AGBL4: variants seen among roughly 807,000 people sequenced by gnomAD.
The protein encoded by AGBL4 is AGBL carboxypeptidase 4.
Under a neutral mutation model 66.4 loss-of-function variants are expected in AGBL4, and 58 were observed. The observed-to-expected ratio is 0.87, with a 90% confidence interval of 0.71 to 1.09. The LOEUF is 1.09. Ranked by LOEUF, AGBL4 falls within the 50% of genes least tolerant of loss-of-function variation. The pLI is 0.00. For missense variants in AGBL4, 579 were observed against 631.0 expected (o/e 0.92, Z 0.88); for synonymous variants, 234 against 222.9 (o/e 1.05, Z -0.44).
intron 2 of AGBL4, among the ~76,000 whole-genome samples, chr1:49,718,816 A>G (rs1571398870): frequency 1.3e-5 from 2 of 152,168 alleles, no homozygotes; most frequent in South Asian, 4.1e-4. Context: ...ATTTCCCTCT[A>G]CAAAAAATTT....
At chr1:48,570,840 G>T (rs2798095) in intron 11 of AGBL4, among the ~76,000 whole-genome samples, 24 of 151,996 alleles carry the variant, frequency 1.6e-4, no homozygotes, top group African/African-American at 5.3e-4. Flanking sequence ...AGTAGGGGTC[G>T]ACTACAGTCA....
intron 6 of AGBL4, among the ~76,000 whole-genome samples, chr1:48,707,066 G>T (rs1359022907): frequency 6.6e-6 from 1 of 152,240 alleles, no homozygotes; most frequent in Non-Finnish European, 1.5e-5. Flanking sequence ...GGCTGAGGCA[G>T]ATGGATGGCT....
chr1:49,336,442 C>T (rs1203283347), intron 3 of AGBL4, among the ~76,000 whole-genome samples: 1 of 152,214 alleles, frequency 6.6e-6, no homozygotes, highest in Non-Finnish European at 1.5e-5. Context: ...GAAACACTCT[C>T]ACGGACACAG....
chr1:49,784,013 A>G (rs1644395313), intron 2 of AGBL4, among the ~76,000 whole-genome samples: 1 of 152,172 alleles, frequency 6.6e-6, no homozygotes, highest in African/African-American at 2.4e-5. Flanking sequence ...AAATAAATGT[A>G]AAGATATCTC....
intron 3 of AGBL4, among the ~76,000 whole-genome samples, chr1:49,661,624 A>G (rs1646271546): frequency 6.6e-6 from 1 of 152,166 alleles, no homozygotes. Flanking sequence ...CATGAGCCAA[A>G]TAAACATATT....
At chr1:49,186,215 C>T (rs1453281559) in intron 4 of AGBL4, among the ~76,000 whole-genome samples, 1 of 152,168 alleles carries the variant, frequency 6.6e-6, no homozygotes, top group Non-Finnish European at 1.5e-5. Context: ...TTCCTATATT[C>T]ATATGCCCCT....
At chr1:49,038,845 C>T (rs1202553397) in intron 5 of AGBL4, among the ~76,000 whole-genome samples, 1 of 152,090 alleles carries the variant, frequency 6.6e-6, no homozygotes, top group Non-Finnish European at 1.5e-5. Flanking sequence ...AACTGGACTC[C>T]TTGGAATTTA....
chr1:49,304,874 T>C (rs1198069311), intron 3 of AGBL4, among the ~76,000 whole-genome samples: 1 of 152,202 alleles, frequency 6.6e-6, no homozygotes, highest in African/African-American at 2.4e-5. Context: ...TATTGACAAA[T>C]ATGTATGTTA....
chr1:49,590,849 T>C (rs1451870841), intron 3 of AGBL4, among the ~76,000 whole-genome samples: 2 of 152,070 alleles, frequency 1.3e-5, no homozygotes, highest in African/African-American at 4.8e-5. Flanking sequence ...TGAAATTAGC[T>C]ATGAGTACAG....
At chr1:48,635,424 G>T (rs1217736219) in intron 8 of AGBL4, among the ~76,000 whole-genome samples, 1 of 152,210 alleles carries the variant, frequency 6.6e-6, no homozygotes, top group Non-Finnish European at 1.5e-5. Flanking sequence ...GAATAATGTG[G>T]AAACTTCCAG....
At chr1:49,150,611 T>C (rs764461616) in intron 4 of AGBL4, among the ~76,000 whole-genome samples, 1 of 152,206 alleles carries the variant, frequency 6.6e-6, no homozygotes, top group Non-Finnish European at 1.5e-5. Flanking sequence ...TCTTTCAACA[T>C]GCCTCTCTCA....
chr1:48,980,718 AATATATATATAT>A (rs544711494), intron 5 of AGBL4, among the ~76,000 whole-genome samples: 87 of 92,240 alleles, frequency 9.4e-4, no homozygotes, highest in Non-Finnish European at 1.1e-3. Context: ...GTAAAGAAGA[AATATATATATAT>A]ATATATATAT....
chr1:49,773,137 T>C (rs553522508), intron 2 of AGBL4, among the ~76,000 whole-genome samples: 1 of 152,314 alleles, frequency 6.6e-6, no homozygotes, highest in African/African-American at 2.4e-5. Context: ...TCCATTGTAT[T>C]TTTTATTCCA....
chr1:48,647,903 A>G (rs1264925328), intron 8 of AGBL4, among the ~76,000 whole-genome samples: 1 of 152,178 alleles, frequency 6.6e-6, no homozygotes. Flanking sequence ...CCTTCCAACT[A>G]GGAGTTGCTT....
At chr1:49,537,263 A>G (rs1226672116) in intron 3 of AGBL4, among the ~76,000 whole-genome samples, 2 of 152,360 alleles carry the variant, frequency 1.3e-5, no homozygotes. Flanking sequence ...GATCTCAAAA[A>G]CACAGGCAAC....
chr1:48,652,131 G>T (rs1645940497), intron 8 of AGBL4, among the ~76,000 whole-genome samples: 2 of 152,144 alleles, frequency 1.3e-5, no homozygotes, highest in South Asian at 2.1e-4. Flanking sequence ...GAATCCAGGA[G>T]GTTGAGGCTG....
chr1:49,281,793 T>A (rs1184352425), intron 3 of AGBL4, among the ~76,000 whole-genome samples: 1 of 152,170 alleles, frequency 6.6e-6, no homozygotes, highest in African/African-American at 2.4e-5. Context: ...CAAATGGAAG[T>A]GCTGGGAGGG....
chr1:48,576,603 G>A (rs1644657540), intron 11 of AGBL4, among the ~76,000 whole-genome samples: 1 of 152,136 alleles, frequency 6.6e-6, no homozygotes, highest in African/African-American at 2.4e-5. Flanking sequence ...CTCAGTCCCA[G>A]GCAAACCAGG....
intron 2 of AGBL4, among the ~76,000 whole-genome samples, chr1:49,808,896 G>A (rs898430727): frequency 3.9e-5 from 6 of 152,062 alleles, no homozygotes; most frequent in Middle Eastern, 3.4e-3. Context: ...TATAGATTCC[G>A]AGGTTCTCAC....
Sources: allele counts gnomAD v4.1 joint callset (sites outside exome capture counted in the v4.1 genomes callset), GRCh38; gene constraint gnomAD v4.1.1; transcripts MANE v1.5; gene names NCBI Gene and HGNC (gene_info 2026-07-23, HGNC 2026-07-21).